The following TAFA4 variants were observed in gnomAD, a reference collection of about 807,000 sequenced individuals.
TAFA4 encodes chemokine-like protein TAFA-4.
TAFA4 carries 20 observed loss-of-function variants against 21.1 expected under a neutral mutation model. The ratio of observed to expected loss-of-function variants is 0.95; its 90% CI spans 0.67 to 1.38. The LOEUF (loss-of-function observed/expected upper bound fraction) is 1.38, where lower values mean the gene tolerates loss of function less well. TAFA4 is among the 40% of genes most tolerant of loss of function. The pLI is 0.00. For missense variants in TAFA4, 211 were observed against 180.9 expected, an observed-to-expected ratio of 1.17 and a Z score of -0.95; for synonymous variants, 71 against 67.4, an observed-to-expected ratio of 1.05 and a Z score of -0.26.
intron 3 of TAFA4, among the ~76,000 whole-genome samples, chr3:68,775,089 G>A (rs911459067): frequency 5.9e-5 from 9 of 152,136 alleles, no homozygotes; most frequent in Non-Finnish European, 1.3e-4. Context: ...TCAGACCAGG[G>A]GAAGAAACGG....
chr3:68,924,352 T>C (rs1359632279), intron 1 of TAFA4, among the ~76,000 whole-genome samples: 1 of 152,150 alleles, frequency 6.6e-6, no homozygotes, highest in Admixed American at 6.5e-5. Flanking sequence ...TTGAAGACAT[T>C]ATGCTAAGTG....
chr3:68,804,826 G>T (rs1217107872), intron 3 of TAFA4, among the ~76,000 whole-genome samples: 1 of 152,150 alleles, frequency 6.6e-6, no homozygotes, highest in Non-Finnish European at 1.5e-5. Flanking sequence ...AGACTTACAT[G>T]TTAGACCTAA....
chr3:68,875,913 G>GT (rs1229113747), intron 3 of TAFA4, among the ~76,000 whole-genome samples: 2 of 145,000 alleles, frequency 1.4e-5, no homozygotes, highest in African/African-American at 5.4e-5. Flanking sequence ...GTAGTCATTT[G>GT]TTTTAAAAAA....
intron 3 of TAFA4, among the ~76,000 whole-genome samples, chr3:68,761,407 A>G (rs1303942341): frequency 1.3e-5 from 2 of 152,236 alleles, no homozygotes; most frequent in Non-Finnish European, 2.9e-5. Context: ...AAAGCAAGAA[A>G]GGTGCAATTT....
intron 1 of TAFA4, among the ~76,000 whole-genome samples, chr3:68,902,757 G>C (rs922785446): frequency 6.6e-6 from 1 of 151,936 alleles, no homozygotes; most frequent in Non-Finnish European, 1.5e-5. Flanking sequence ...ATATATTTTT[G>C]TACATGGGTA....
chr3:68,923,097 C>G (rs535622263), intron 1 of TAFA4, among the ~76,000 whole-genome samples: 1 of 152,192 alleles, frequency 6.6e-6, no homozygotes, highest in Non-Finnish European at 1.5e-5. Context: ...CTTCCCCATA[C>G]AGGCTTATTT....
chr3:68,821,714 C>A (rs1225373118), intron 3 of TAFA4, among the ~76,000 whole-genome samples: 1 of 151,990 alleles, frequency 6.6e-6, no homozygotes, highest in East Asian at 1.9e-4. Flanking sequence ...CCACTGCTAC[C>A]CTGGATTTTC....
intron 3 of TAFA4, among the ~76,000 whole-genome samples, chr3:68,877,252 A>G (rs1195405573): frequency 6.6e-6 from 1 of 152,150 alleles, no homozygotes; most frequent in Non-Finnish European, 1.5e-5. Flanking sequence ...CCAGCTACTC[A>G]GGAGGCTGAG....
intron 3 of TAFA4, among the ~76,000 whole-genome samples, chr3:68,810,643 C>T (rs111853392): frequency 0.013 from 2,032 of 151,888 alleles, 36 homozygotes; most frequent in African/African-American, 0.03. Flanking sequence ...CCACCATTGC[C>T]GAGGCTTGAG....
At chr3:68,736,517 C>T (rs1024306952) in intron 5 of TAFA4, among the ~76,000 whole-genome samples, 2 of 152,090 alleles carry the variant, frequency 1.3e-5, no homozygotes, top group Admixed American at 6.6e-5. Context: ...TCTGACATAG[C>T]TGACTTACTG....
At chr3:68,793,068 T>C (rs1703392539) in intron 3 of TAFA4, among the ~76,000 whole-genome samples, 1 of 152,194 alleles carries the variant, frequency 6.6e-6, no homozygotes, top group South Asian at 2.1e-4. Context: ...TTTATTATTC[T>C]TGAGTTCGCA....
chr3:68,838,667 C>G (rs1181971437), intron 3 of TAFA4, among the ~76,000 whole-genome samples: 3 of 152,122 alleles, frequency 2.0e-5, no homozygotes, highest in African/African-American at 7.2e-5. Context: ...CCTTTGTTAA[C>G]CCTTTAAAAA....
intron 3 of TAFA4, among the ~76,000 whole-genome samples, chr3:68,814,831 A>G (rs1419302940): frequency 1.3e-5 from 2 of 152,186 alleles, no homozygotes; most frequent in East Asian, 1.9e-4. Flanking sequence ...TTCATATGGA[A>G]CCCAAAAACA....
intron 3 of TAFA4, among the ~76,000 whole-genome samples, chr3:68,833,178 C>T (rs1374286780): frequency 6.6e-6 from 1 of 152,186 alleles, no homozygotes; most frequent in Non-Finnish European, 1.5e-5. Context: ...AACACCCCAC[C>T]CTGCTTAAGC....
chr3:68,891,317 T>C (rs1015414627), intron 1 of TAFA4, among the ~76,000 whole-genome samples: 10 of 152,210 alleles, frequency 6.6e-5, no homozygotes, highest in African/African-American at 2.4e-4. Flanking sequence ...CAGAATCTGC[T>C]TAATAACAAA....
At chr3:68,841,322 CAA>C (rs1364160633) in intron 3 of TAFA4, among the ~76,000 whole-genome samples, 3 of 95,114 alleles carry the variant, frequency 3.2e-5, no homozygotes, top group Non-Finnish European at 4.0e-5. Context: ...GACTCCGTCT[CAA>C]AAAAAAAAAA....
chr3:68,846,532 T>A (rs1704802151), intron 3 of TAFA4, among the ~76,000 whole-genome samples: 1 of 152,112 alleles, frequency 6.6e-6, no homozygotes, highest in Admixed American at 6.5e-5. Flanking sequence ...CTCGTCAAAC[T>A]CATTCTCCAT....
intron 5 of TAFA4, among the ~76,000 whole-genome samples, chr3:68,735,760 A>G (rs1325495103): frequency 1.3e-5 from 2 of 152,148 alleles, no homozygotes; most frequent in Admixed American, 6.6e-5. Context: ...AAAATGAAGT[A>G]AAAGAATCAA....
chr3:68,859,359 G>T (rs1039343037), intron 3 of TAFA4, among the ~76,000 whole-genome samples: 4 of 151,888 alleles, frequency 2.6e-5, no homozygotes, highest in African/African-American at 9.7e-5. Flanking sequence ...TCCTCCCCCT[G>T]AGACACTTAA....
Sources: allele counts gnomAD v4.1 joint callset (sites outside exome capture counted in the v4.1 genomes callset), GRCh38; gene constraint gnomAD v4.1.1; transcripts MANE v1.5; gene names NCBI Gene and HGNC (gene_info 2026-07-23, HGNC 2026-07-21).